Variants in SPRYD4 observed in about 807,000 individuals in gnomAD.
SPRYD4 encodes SPRY domain containing 4.
In SPRYD4, 12 loss-of-function variants were observed where a neutral mutation model predicts 16.6. That is an observed-to-expected ratio of 0.72 (90% CI 0.46 to 1.17). The LOEUF (loss-of-function observed/expected upper bound fraction) is 1.17. Ranked by LOEUF, SPRYD4 falls within the 50% of genes most tolerant of loss-of-function variation. SPRYD4 has a pLI of 0.00. For missense variants in SPRYD4, 260 were observed against 260.2 expected (o/e 1.00, Z 0.00); for synonymous variants, 98 against 105.4 (o/e 0.93, Z 0.43).
Position 56,472,588 on chromosome 12 carries a change from A to T in SPRYD4, c.*3011A>T, listed in dbSNP as rs1869389389. On this transcript the variant is annotated 3_prime_UTR_variant, in exon 2 of 2. Transcript: ENST00000338146. ...TTTAAATGCAATCTATATCCATTCT[A>T]ATTCCAAAGCTGAAGCACTTAACTA... is the stretch of plus-strand genomic sequence containing the variant. The T allele has an allele frequency of 1.1e-5, 12 of 1,079,510 alleles. No homozygotes were observed. The South Asian group carries it at 1.5e-4, about 13-fold the overall frequency. The allele number at this position is 1,079,510 out of a possible 1,614,324, so 66.9% of individuals were successfully genotyped here. A position where few individuals can be genotyped will look rare whatever the true frequency, so the allele number is the denominator to read the frequency against.
Position 56,479,257 on chromosome 12 carries a change from G to A in SPRYD4, c.*9680G>A, listed in dbSNP as rs1270835383. On this transcript the variant is annotated 3_prime_UTR_variant, in exon 2 of 2. Transcript: ENST00000338146. ...CTCACTCTGGAGCCACGGAAATTGG[G>A]AATAAAGAAGGTTGAGTGGTCTTCA... 2 of 1,559,918 alleles carry A rather than the reference G, an allele frequency of 1.3e-6. No individual in the cohort carries two copies. The highest frequency in any genetic ancestry group is 1.7e-6 in the Non-Finnish European group (2 of 1,155,808).
Position 56,474,722 on chromosome 12 carries a change from T to C in SPRYD4, c.*5145T>C. 1 of 1,608,664 alleles carries C rather than the reference T, an allele frequency of 6.2e-7. No homozygotes were observed. The highest frequency in any genetic ancestry group is 8.5e-7 in the Non-Finnish European group (1 of 1,176,468). Reference sequence around the variant, plus strand: ...ACAAGTGACCTCCACAGAACACAGCTATGAAAACAAAGAATAGGTGAAGAT... The same window carrying C: ...ACAAGTGACCTCCACAGAACACAGCCATGAAAACAAAGAATAGGTGAAGAT... On this transcript the variant is annotated 3_prime_UTR_variant, in exon 2 of 2. Coordinates refer to ENST00000338146, the MANE Select transcript of SPRYD4 (RefSeq NM_207344.4).
At position 56,472,885 on chromosome 12, in the gene SPRYD4, C is replaced by CTTTT. The variant is rs952399444; in HGVS notation, c.*3325_*3328dup. 6.9e-4 allele frequency: 277 copies of CTTTT among 399,746 alleles called. No individual in the cohort carries two copies. Among genetic ancestry groups the CTTTT allele is most frequent in the South Asian group, 9.7e-4 (36 of 37,228 alleles). The allele number at this position is 399,746 out of a possible 1,614,324, so 24.8% of individuals were successfully genotyped here. A position where few individuals can be genotyped will look rare whatever the true frequency, so the allele number is the denominator to read the frequency against. On this transcript the variant is annotated 3_prime_UTR_variant, in exon 2 of 2. Coordinates refer to ENST00000338146, the MANE Select transcript of SPRYD4 (RefSeq NM_207344.4). ...ATGGAATGTGCTACTCTGAAATATT[C>CTTTT]TTTTTTTTTTTTTTTTTTTTGAGAC...
At position 56,478,447 on chromosome 12, in the gene SPRYD4, G is replaced by C; in HGVS notation, c.*8870G>C. 1 of 609,054 alleles carries C rather than the reference G, an allele frequency of 1.6e-6. No individual in the cohort carries two copies. The highest frequency in any genetic ancestry group is 2.0e-5 in the South Asian group (1 of 51,116). 37.7% of individuals were successfully genotyped at this position (609,054 alleles called of 1,614,324 possible). On this transcript the variant is annotated 3_prime_UTR_variant, in exon 2 of 2. Transcript: ENST00000338146. The stretch of plus-strand genomic sequence containing the variant: ...TTAAGTCCTAGAAGGCCATATCTTT[G>C]TGTATCCGCAATCCTGTAGAGATAG...
chr12:56,479,684 T>C lies in SPRYD4; in HGVS notation c.*10107T>C. ...ATAAGTAATAAAATAAAATGAGGAA[T>C]TGAACTATACAATTCCCAAATTCCT... On this transcript the variant is annotated 3_prime_UTR_variant, in exon 2 of 2. Coordinates refer to ENST00000338146, the MANE Select transcript of SPRYD4 (RefSeq NM_207344.4). 8 of 1,348,834 alleles carry C rather than the reference T, an allele frequency of 5.9e-6. No homozygotes were observed. The highest frequency in any genetic ancestry group is 2.8e-5 in the Admixed American group (1 of 35,364). 83.6% of individuals were successfully genotyped at this position (1,348,834 alleles called of 1,614,324 possible).
chr12:56,472,282 G>A lies in SPRYD4; in HGVS notation c.*2705G>A. The A allele has an allele frequency of 8.0e-7, 1 of 1,252,624 alleles. No homozygotes were observed. The highest frequency in any genetic ancestry group is 1.2e-5 in the South Asian group (1 of 81,360). 77.6% of individuals were successfully genotyped at this position (1,252,624 alleles called of 1,614,324 possible). On this transcript the variant is annotated 3_prime_UTR_variant, in exon 2 of 2. Transcript: ENST00000338146. ...TGTGAACTGGTGTCAGACTGGATGAGTTTCAGAGAAAGTGAAACAGCCTAT... is the reference window on the plus strand; with the variant it reads ...TGTGAACTGGTGTCAGACTGGATGAATTTCAGAGAAAGTGAAACAGCCTAT...
At position 56,474,552 on chromosome 12, in the gene SPRYD4, C is replaced by T; in HGVS notation, c.*4975C>T. The T allele has an allele frequency of 6.2e-7, 1 of 1,613,956 alleles. No homozygotes were observed. The highest frequency in any genetic ancestry group is 8.5e-7 in the Non-Finnish European group (1 of 1,180,038). ...CAGAGCCAGAAACTCACGTGGAAGG[C>T]AAACTGGCCAGAGAAGTCATACATG... On this transcript the variant is annotated 3_prime_UTR_variant, in exon 2 of 2. Transcript: ENST00000338146.
chr12:56,469,275 G>T lies in SPRYD4; in HGVS notation c.322G>T (p.Asp108Tyr), dbSNP rs375763194. Residue 108 changes from aspartate to tyrosine, a missense_variant, in exon 2 of 2, where the codon GAC becomes TAC. Transcript: ENST00000338146. ...GTTCCGGATAGGAGTGGCAGATGTGGACATGTCCCGGGATAGCTGCATTGG... is the reference window on the plus strand; with the variant it reads ...GTTCCGGATAGGAGTGGCAGATGTGTACATGTCCCGGGATAGCTGCATTGG... Reference protein sequence around the residue: ...QQFRIGVADVDMSRDSCIGVD... With the variant: ...QQFRIGVADVYMSRDSCIGVD... The T allele has an allele frequency of 8.2e-5, 132 of 1,613,982 alleles. No individual in the cohort carries two copies. The highest frequency in any genetic ancestry group is 1.6e-4 in the Middle Eastern group (1 of 6,084).
At chr12:56,469,015 C>T (rs746699475) in intron 1 of SPRYD4, 24 bp from the exon 2 acceptor site, 2 of 1,536,820 alleles carry the variant, frequency 1.3e-6, no homozygotes, top group Non-Finnish European at 1.8e-6. Context: ...CTGTTATTAT[C>T]CCGTCTTTTT....
chr12:56,469,197 G>C lies in SPRYD4; in HGVS notation c.244G>C (p.Ala82Pro). The C allele has an allele frequency of 3.7e-6, 6 of 1,614,170 alleles. No homozygotes were observed. Among genetic ancestry groups the C allele is most frequent in the Non-Finnish European group, 5.1e-6 (6 of 1,180,026 alleles). ...REWAVVLADT[A>P]VTSGRHYWEV... ...GTGGGCAGTGGTGCTGGCAGACACA[G>C]CGGTCACCAGTGGCAGACACTACTG... The change falls in exon 2 of 2, where the codon GCG becomes CCG. Residue 82 changes from alanine (A) to proline (P), a missense_variant. Physicochemically the swap from Ala to Pro is conservative, Grantham distance 27. Transcript: ENST00000338146.
In SPRYD4 at chr12:56,474,873, C is replaced by T; in HGVS notation, c.*5296C>T. 2.5e-6 allele frequency: 4 copies of T among 1,614,190 alleles called. No individual in the cohort carries two copies. Among genetic ancestry groups the T allele is most frequent in the Non-Finnish European group, 2.5e-6 (3 of 1,180,036 alleles). On this transcript the variant is annotated 3_prime_UTR_variant, in exon 2 of 2. Coordinates refer to ENST00000338146, the MANE Select transcript of SPRYD4 (RefSeq NM_207344.4). Reference sequence around the variant, plus strand: ...GGAAGTAGAGATCAAGGGCAGCCATCATGTCCACCCCCTTAGGAAAGCACT... The same window carrying T: ...GGAAGTAGAGATCAAGGGCAGCCATTATGTCCACCCCCTTAGGAAAGCACT...
chr12:56,474,675 C>A lies in SPRYD4; in HGVS notation c.*5098C>A, dbSNP rs777690858. ...CAGATCCCACCGTTGGCGAGGGTGGCTGCCATGACACTGCCTGATTCACAA... is the reference window on the plus strand; with the variant it reads ...CAGATCCCACCGTTGGCGAGGGTGGATGCCATGACACTGCCTGATTCACAA... On this transcript the variant is annotated 3_prime_UTR_variant, in exon 2 of 2. Transcript: ENST00000338146. 3.7e-6 allele frequency: 6 copies of A among 1,612,756 alleles called. No individual in the cohort carries two copies. The Admixed American group carries it at 1.0e-4, about 27-fold the overall frequency.
chr12:56,468,962 T>G, intron 1 of SPRYD4, 77 bp from the exon 2 acceptor site: 1 of 1,489,252 alleles, frequency 6.7e-7, no homozygotes, highest in Non-Finnish European at 9.0e-7. Context: ...CATGGCTGCC[T>G]GCCTCATATC....
chr12:56,473,152 G>A lies in SPRYD4; in HGVS notation c.*3575G>A. ...GATCCGCCCGCCTTGGCCTCTCAAA[G>A]TGCAGGGATTACAGGCGTGAGCCAC... On this transcript the variant is annotated 3_prime_UTR_variant, in exon 2 of 2. Transcript: ENST00000338146. 2 of 1,374,124 alleles carry A rather than the reference G, an allele frequency of 1.5e-6. No homozygotes were observed. Among genetic ancestry groups the A allele is most frequent in the Non-Finnish European group, 2.1e-6 (2 of 969,596 alleles). The allele number at this position is 1,374,124 out of a possible 1,614,324, so 85.1% of individuals were successfully genotyped here.
chr12:56,478,732 C>A lies in SPRYD4; in HGVS notation c.*9155C>A. ...GTATATCTAGGTGTGGTGGCTCATG[C>A]CTGTAATCCCAGCACTTTGGGAGGC... On this transcript the variant is annotated 3_prime_UTR_variant, in exon 2 of 2. Coordinates refer to ENST00000338146, the MANE Select transcript of SPRYD4 (RefSeq NM_207344.4). 1 of 281,684 alleles carries A rather than the reference C, an allele frequency of 3.6e-6. No individual in the cohort carries two copies. The highest frequency in any genetic ancestry group is 4.7e-5 in the South Asian group (1 of 21,064). The allele number at this position is 281,684 out of a possible 1,614,324, so 17.4% of individuals were successfully genotyped here. A position where few individuals can be genotyped will look rare whatever the true frequency, so the allele number is the denominator to read the frequency against.
Position 56,479,607 on chromosome 12 carries a change from A to G in SPRYD4, c.*10030A>G. 1.4e-6 allele frequency: 1 copy of G among 739,926 alleles called. No individual in the cohort carries two copies. The highest frequency in any genetic ancestry group is 3.4e-5 in the South Asian group (1 of 29,594). 45.8% of individuals were successfully genotyped at this position (739,926 alleles called of 1,614,324 possible). A position where few individuals can be genotyped will look rare whatever the true frequency, so the allele number is the denominator to read the frequency against. ...AGTAGGGAGGGAAAGGAGAACATGT[A>G]TTTCTATATTGTTTGAACTCTTATG... On this transcript the variant is annotated 3_prime_UTR_variant, in exon 2 of 2. Coordinates refer to ENST00000338146, the MANE Select transcript of SPRYD4 (RefSeq NM_207344.4).
Position 56,475,484 on chromosome 12 carries a change from T to G in SPRYD4, c.*5907T>G. 3.6e-6 allele frequency: 3 copies of G among 827,206 alleles called. No homozygotes were observed. Among genetic ancestry groups the G allele is most frequent in the Non-Finnish European group, 5.8e-6 (3 of 519,900 alleles). 51.2% of individuals were successfully genotyped at this position (827,206 alleles called of 1,614,324 possible). A position where few individuals can be genotyped will look rare whatever the true frequency, so the allele number is the denominator to read the frequency against. On this transcript the variant is annotated 3_prime_UTR_variant, in exon 2 of 2. Transcript: ENST00000338146. ...GATAAACAAATGTTTATGAAGGGAC[T>G]CAGAGGAAGCTGGAGGGCCAAAGTT...
Position 56,472,701 on chromosome 12 carries a change from T to G in SPRYD4, c.*3124T>G. The G allele has an allele frequency of 6.2e-7, 1 of 1,613,766 alleles. No individual in the cohort carries two copies. On this transcript the variant is annotated 3_prime_UTR_variant, in exon 2 of 2. Coordinates refer to ENST00000338146, the MANE Select transcript of SPRYD4 (RefSeq NM_207344.4). ...CACAGTAGCATTACCTTCGAAGAGCTGAGACATCGCCACTATAGGCAGCAA... is the reference window on the plus strand; with the variant it reads ...CACAGTAGCATTACCTTCGAAGAGCGGAGACATCGCCACTATAGGCAGCAA...
Position 56,474,824 on chromosome 12 carries a change from G to T in SPRYD4, c.*5247G>T. On this transcript the variant is annotated 3_prime_UTR_variant, in exon 2 of 2. Transcript: ENST00000338146. The stretch of plus-strand genomic sequence containing the variant: ...AAGGACAGTCTGTCCTGTTCCCTCG[G>T]CCCTGAGCAGTGTTTTCTTACCTGG... 6.2e-7 allele frequency: 1 copy of T among 1,614,098 alleles called. No individual in the cohort carries two copies. The highest frequency in any genetic ancestry group is 1.1e-5 in the South Asian group (1 of 91,070).
Sources: allele counts gnomAD v4.1 joint callset, GRCh38; gene constraint gnomAD v4.1.1; transcripts MANE v1.5; gene names NCBI Gene and HGNC (gene_info 2026-07-23, HGNC 2026-07-21).